The following LHCGR variants were observed in gnomAD, a reference collection of about 807,000 sequenced individuals.
LHCGR encodes the protein lutropin-choriogonadotropic hormone receptor.
Under a neutral mutation model 60.7 loss-of-function variants are expected in LHCGR, and 55 were observed. The observed-to-expected ratio is 0.91, with a 90% CI of 0.73 to 1.13. The LOEUF is 1.13. Ranked by LOEUF, LHCGR falls within the 50% of genes most tolerant of loss-of-function variation. LHCGR has a pLI of 0.00. For missense variants in LHCGR, 862 were observed against 836.0 expected (o/e 1.03, Z -0.38); for synonymous variants, 337 against 316.5 (o/e 1.06, Z -0.69).
chr2:48,697,662 G>T (rs1667185026), intron 9 of LHCGR, among the ~76,000 whole-genome samples: 2 of 152,148 alleles, frequency 1.3e-5, no homozygotes, highest in Non-Finnish European at 1.5e-5. Flanking sequence ...AAAGACAGCA[G>T]CATCTGGTGT....
At position 48,755,714 on chromosome 2, in the gene LHCGR, G is replaced by C. The variant is rs1337667501; in HGVS notation, c.-43C>G. The C allele has an allele frequency of 3.3e-6, 5 of 1,532,898 alleles. No individual in the cohort carries two copies. The highest frequency in any genetic ancestry group is 3.5e-6 in the Non-Finnish European group (4 of 1,146,066). 95.0% of individuals were successfully genotyped at this position (1,532,898 alleles called of 1,614,324 possible). ...TCTGCGGCTTGCCAGTGTCTTGGAC[G>C]GCCTCTGAGTGCGGCCCGCACCCCT... On this transcript the variant is annotated 5_prime_UTR_variant, in exon 1 of 11. Transcript: ENST00000294954.
intron 1 of LHCGR, among the ~76,000 whole-genome samples, chr2:48,748,623 A>G (rs1669813094): frequency 6.6e-6 from 1 of 152,204 alleles, no homozygotes; most frequent in Non-Finnish European, 1.5e-5. Flanking sequence ...CCCTTGGATG[A>G]TAGATATTTA....
intron 1 of LHCGR, among the ~76,000 whole-genome samples, chr2:48,731,509 G>T (rs780595134): frequency 6.6e-6 from 1 of 152,056 alleles, no homozygotes; most frequent in Non-Finnish European, 1.5e-5. Flanking sequence ...ATAATTTTGC[G>T]GTTAAGACTG....
intron 1 of LHCGR, among the ~76,000 whole-genome samples, chr2:48,731,895 A>G (rs1382002820): frequency 6.6e-6 from 1 of 152,228 alleles, no homozygotes; most frequent in Non-Finnish European, 1.5e-5. Flanking sequence ...TTTCCCAGGT[A>G]GCCTATTTCA....
intron 3 of LHCGR, 39 bp from the exon 4 acceptor site, chr2:48,725,789 A>G: frequency 6.9e-7 from 1 of 1,456,504 alleles, no homozygotes; most frequent in Non-Finnish European, 9.6e-7. Flanking sequence ...GCTGTTTAAT[A>G]GATGTGTATT....
At chr2:48,753,805 A>AGTGTGTGT (rs70946826) in intron 1 of LHCGR, among the ~76,000 whole-genome samples, 2,255 of 149,914 alleles carry the variant, frequency 0.015, 19 homozygotes, top group Admixed American at 0.018. Flanking sequence ...GGAGAAACTG[A>AGTGTGTGT]GTGTGTGTGT....
chr2:48,693,032 C>T (rs540800148), intron 10 of LHCGR, among the ~76,000 whole-genome samples: 1 of 152,064 alleles, frequency 6.6e-6, no homozygotes, highest in South Asian at 2.1e-4. Context: ...TCTTCCTTCC[C>T]CTCAAACCAC....
chr2:48,708,412 C>T (rs941571920), intron 8 of LHCGR, among the ~76,000 whole-genome samples: 4 of 152,118 alleles, frequency 2.6e-5, no homozygotes, highest in African/African-American at 4.8e-5. Context: ...CATATCTTGA[C>T]GTTCCCAGTA....
intron 1 of LHCGR, among the ~76,000 whole-genome samples, chr2:48,748,301 C>T (rs370432027): frequency 2.0e-5 from 3 of 152,108 alleles, no homozygotes; most frequent in Non-Finnish European, 4.4e-5. Context: ...GCCAACAAGT[C>T]TCACCTGAAG....
intron 6 of LHCGR, among the ~76,000 whole-genome samples, chr2:48,715,697 G>A (rs543301470): frequency 1.3e-5 from 2 of 152,158 alleles, no homozygotes; most frequent in Non-Finnish European, 2.9e-5. Context: ...CTGTGTGTAT[G>A]TATGTGTGGT....
At chr2:48,711,202 A>C (rs7605712) in intron 7 of LHCGR, among the ~76,000 whole-genome samples, 2 of 152,066 alleles carry the variant, frequency 1.3e-5, no homozygotes, top group South Asian at 4.1e-4. Context: ...GCCATCCTGG[A>C]TACCTTGCCT....
At chr2:48,719,691 GC>G (rs1380509650) in intron 6 of LHCGR, among the ~76,000 whole-genome samples, 7 of 152,178 alleles carry the variant, frequency 4.6e-5, no homozygotes, top group Non-Finnish European at 8.8e-5. Context: ...AGTTTCTCCA[GC>G]ATCAAGTGAA....
At chr2:48,745,342 C>T (rs1226030024) in intron 1 of LHCGR, among the ~76,000 whole-genome samples, 1 of 152,194 alleles carries the variant, frequency 6.6e-6, no homozygotes, top group African/African-American at 2.4e-5. Flanking sequence ...CATCCCATTA[C>T]TGGGTATATA....
chr2:48,690,627 T>C (rs1376337248), intron 10 of LHCGR, among the ~76,000 whole-genome samples: 1 of 152,236 alleles, frequency 6.6e-6, no homozygotes, highest in Non-Finnish European at 1.5e-5. Flanking sequence ...TCTTTGTACG[T>C]ACTTCTGCCT....
intron 1 of LHCGR, among the ~76,000 whole-genome samples, chr2:48,743,017 ACCGAT>A (rs1669539407): frequency 6.6e-6 from 1 of 152,312 alleles, no homozygotes; most frequent in South Asian, 2.1e-4. Context: ...GGATATCACC[ACCGAT>A]CCCACAGAAA....
At chr2:48,711,843 C>A (rs1668005161) in intron 7 of LHCGR, among the ~76,000 whole-genome samples, 1 of 152,166 alleles carries the variant, frequency 6.6e-6, no homozygotes, top group Admixed American at 6.5e-5. Context: ...CCCTTCCAGC[C>A]TTCCGTCCTT....
chr2:48,737,889 T>G (rs1669270116), intron 1 of LHCGR, among the ~76,000 whole-genome samples: 1 of 152,220 alleles, frequency 6.6e-6, no homozygotes, highest in South Asian at 2.1e-4. Flanking sequence ...AGAAAGAATC[T>G]TAGGAAAAGA....
intron 1 of LHCGR, among the ~76,000 whole-genome samples, chr2:48,741,862 G>A (rs2103688801): frequency 6.6e-6 from 1 of 151,016 alleles, no homozygotes; most frequent in East Asian, 2.0e-4. Flanking sequence ...AAATGTAAAT[G>A]GACTAAATGC....
At position 48,688,824 on chromosome 2, in the gene LHCGR, C is replaced by G; in HGVS notation, c.973G>C (p.Glu325Gln). Reference sequence around the variant, plus strand: ...TATTCATAGTCCCAGCCACTCAGTTCACTCTCAGCAAGCATGGAAGAATAA... The same window carrying G: ...TATTCATAGTCCCAGCCACTCAGTTGACTCTCAGCAAGCATGGAAGAATAA... Reference protein sequence around the residue: ...TLYSSMLAESELSGWDYEYGF... With the variant: ...TLYSSMLAESQLSGWDYEYGF... Residue 325 changes from glutamate to glutamine, a missense_variant, in exon 11 of 11, where the codon GAA becomes CAA. Physicochemically the swap from Glu to Gln is conservative, Grantham distance 29. Transcript: ENST00000294954. This position sits in a 1 kb window ranked among gnomAD's most constrained non-coding sequence, Gnocchi z 5.2. 1 of 1,614,120 alleles carries G rather than the reference C, an allele frequency of 6.2e-7. No individual in the cohort carries two copies. Among genetic ancestry groups the G allele is most frequent in the Non-Finnish European group, 8.5e-7 (1 of 1,180,008 alleles).
Sources: gnomAD v4.1 joint callset for allele counts (sites outside exome capture counted in the v4.1 genomes callset) on GRCh38, gnomAD v4.1.1 for gene constraint, Gnocchi (gnomAD v3.1) non-coding constraint, MANE v1.5 for transcripts, NCBI Gene and HGNC (gene_info 2026-07-23, HGNC 2026-07-21) for gene names.